The following EPB41L3 variants were observed in gnomAD, a reference collection of about 807,000 sequenced individuals.
The protein encoded by EPB41L3 is band 4.1-like protein 3.
In EPB41L3, 57 loss-of-function variants were observed where a neutral mutation model predicts 127.1. That is an observed-to-expected ratio of 0.45 (90% CI 0.36 to 0.56). The LOEUF is 0.56. Among genes scored for constraint, EPB41L3 ranks in the 20% least tolerant of loss-of-function variants. The pLI, the probability that EPB41L3 is intolerant of heterozygous loss-of-function variation, is 0.00. For synonymous variants in EPB41L3, 572 were observed against 549.5 expected (o/e 1.04, Z -0.57); for missense variants, 1,273 against 1,372.2 (o/e 0.93, Z 1.14).
At chr18:5,615,314 C>T (rs958979113) in intron 1 of EPB41L3, among the ~76,000 whole-genome samples, 5 of 151,808 alleles carry the variant, frequency 3.3e-5, no homozygotes, top group African/African-American at 9.7e-5. Context: ...TTTTATGAAT[C>T]GACTTTGGCT....
At chr18:5,480,842 A>G (rs959644805) in intron 2 of EPB41L3, 1 of 152,230 alleles carries the variant, frequency 6.6e-6, no homozygotes, top group Non-Finnish European at 1.5e-5. Flanking sequence ...GTCTAGGTAT[A>G]GATATTCATA....
chr18:5,513,269 A>G (rs2092616815), intron 1 of EPB41L3, among the ~76,000 whole-genome samples: 1 of 152,238 alleles, frequency 6.6e-6, no homozygotes, highest in South Asian at 2.1e-4. Context: ...GAGCGTTGCT[A>G]CAGCAGCGTA....
At chr18:5,398,413 G>C in intron 16 of EPB41L3, 1 of 476,592 alleles carries the variant, frequency 2.1e-6, no homozygotes, top group Non-Finnish European at 3.7e-6. Flanking sequence ...GCAAGCCACA[G>C]CAGCACTATC....
intron 1 of EPB41L3, among the ~76,000 whole-genome samples, chr18:5,524,472 G>A (rs2148854026): frequency 6.6e-6 from 1 of 152,298 alleles, no homozygotes. Flanking sequence ...TGGGATTACA[G>A]GCGTGAGCCA....
At chr18:5,520,092 G>C (rs886109731) in intron 1 of EPB41L3, among the ~76,000 whole-genome samples, 1 of 152,106 alleles carries the variant, frequency 6.6e-6, no homozygotes, top group Non-Finnish European at 1.5e-5. Flanking sequence ...CAACAATTTC[G>C]AGTTTCAAAG....
At chr18:5,590,098 A>G (rs531050805) in intron 3 of EPB41L3, among the ~76,000 whole-genome samples, 1 of 152,206 alleles carries the variant, frequency 6.6e-6, no homozygotes, top group Non-Finnish European at 1.5e-5. Flanking sequence ...AATGGGAGAA[A>G]GAAGAAGGAC....
intron 3 of EPB41L3, among the ~76,000 whole-genome samples, chr18:5,556,816 G>A (rs1277751378): frequency 6.6e-6 from 1 of 152,022 alleles, no homozygotes; most frequent in East Asian, 1.9e-4. Context: ...TTTATAAACT[G>A]AGTGACTAAA....
intron 3 of EPB41L3, among the ~76,000 whole-genome samples, chr18:5,552,791 A>T (rs767717517): frequency 2.0e-4 from 31 of 152,224 alleles, no homozygotes; most frequent in Non-Finnish European, 4.1e-4. Flanking sequence ...AAAGAGGTCA[A>T]TGAGGCAGAA....
intron 3 of EPB41L3, chr18:5,466,330 T>C (rs1355762220): frequency 6.6e-6 from 1 of 152,226 alleles, no homozygotes; most frequent in South Asian, 2.1e-4. Flanking sequence ...GACACTGGAC[T>C]GTAGGGCATT....
intron 13 of EPB41L3, among the ~76,000 whole-genome samples, chr18:5,412,263 T>C (rs994935792): frequency 2.6e-5 from 4 of 151,882 alleles, no homozygotes; most frequent in Non-Finnish European, 4.4e-5. Flanking sequence ...AGTAGCACAA[T>C]CTTGGCTCAC....
chr18:5,568,987 G>A (rs565474515), intron 3 of EPB41L3, among the ~76,000 whole-genome samples: 6 of 152,268 alleles, frequency 3.9e-5, no homozygotes, highest in Admixed American at 2.0e-4. Context: ...AGTCTCTAAG[G>A]AACATTTCTA....
chr18:5,588,891 G>T (rs1259646301), intron 3 of EPB41L3, among the ~76,000 whole-genome samples: 1 of 152,010 alleles, frequency 6.6e-6, no homozygotes, highest in African/African-American at 2.4e-5. Context: ...ACAATAAAGA[G>T]TAGGGCCAGT....
intron 11 of EPB41L3, among the ~76,000 whole-genome samples, chr18:5,421,171 A>C (rs1275419001): frequency 6.6e-6 from 1 of 152,200 alleles, no homozygotes; most frequent in Admixed American, 6.5e-5. Context: ...ACAGCATGAC[A>C]TTAGTACACT....
intron 1 of EPB41L3, among the ~76,000 whole-genome samples, chr18:5,507,403 G>A (rs1297530475): frequency 6.6e-6 from 1 of 152,058 alleles, no homozygotes; most frequent in Non-Finnish European, 1.5e-5. Context: ...AAGATATTCA[G>A]ACATTAATAA....
intron 3 of EPB41L3, among the ~76,000 whole-genome samples, chr18:5,560,638 A>G (rs1252295032): frequency 2.0e-5 from 3 of 152,164 alleles, no homozygotes; most frequent in Admixed American, 1.3e-4. Flanking sequence ...CCGTTCTGAA[A>G]ACCGACATTT....
intron 16 of EPB41L3, chr18:5,400,659 C>A (rs998140586): frequency 8.2e-6 from 4 of 487,560 alleles, no homozygotes; most frequent in African/African-American, 3.9e-5. Flanking sequence ...TAAATTAGCA[C>A]GACTCTACAG....
intron 1 of EPB41L3, among the ~76,000 whole-genome samples, chr18:5,615,315 G>A (rs866072471): frequency 2.6e-5 from 4 of 151,858 alleles, no homozygotes; most frequent in African/African-American, 4.8e-5. Flanking sequence ...TTTATGAATC[G>A]ACTTTGGCTT....
intron 3 of EPB41L3, among the ~76,000 whole-genome samples, chr18:5,562,413 G>T (rs967703494): frequency 6.6e-6 from 1 of 152,176 alleles, no homozygotes; most frequent in Non-Finnish European, 1.5e-5. Flanking sequence ...AGTAGGGATC[G>T]TAAGTAGCTT....
chr18:5,520,120 C>T (rs577330552), intron 1 of EPB41L3, among the ~76,000 whole-genome samples: 2 of 152,190 alleles, frequency 1.3e-5, no homozygotes, highest in South Asian at 4.2e-4. Flanking sequence ...ATGAGAGATG[C>T]CCCAAAAAGA....
Sources: gnomAD v4.1 joint callset for allele counts (sites outside exome capture counted in the v4.1 genomes callset) on GRCh38, gnomAD v4.1.1 for gene constraint, MANE v1.5 for transcripts, NCBI Gene and HGNC (gene_info 2026-07-23, HGNC 2026-07-21) for gene names.